KCNH4: variants seen among roughly 807,000 people sequenced by gnomAD.
The protein encoded by KCNH4 is voltage-gated delayed rectifier potassium channel KCNH4.
A neutral mutation model predicts 90.7 loss-of-function variants in KCNH4; 33 were observed. The observed-to-expected ratio is 0.36, with a 90% confidence interval of 0.28 to 0.49. The LOEUF (loss-of-function observed/expected upper bound fraction) is 0.49, where lower values mean the gene tolerates loss of function less well. Among genes scored for constraint, KCNH4 ranks in the 20% least tolerant of loss-of-function variants. The pLI is 0.98. For synonymous variants in KCNH4, 551 were observed against 581.7 expected (o/e 0.95, Z 0.76); for missense variants, 1,044 against 1,387.1 (o/e 0.75, Z 3.93).
chr17:42,161,028 G>A (rs954548403), intron 15 of KCNH4, among the ~76,000 whole-genome samples: 9 of 145,776 alleles, frequency 6.2e-5, no homozygotes, highest in African/African-American at 1.8e-4. Flanking sequence ...CCGGGTTCAC[G>A]AGATTCTCCT....
intron 14 of KCNH4, among the ~76,000 whole-genome samples, chr17:42,162,997 A>G (rs2079759363): frequency 6.6e-6 from 1 of 152,176 alleles, no homozygotes; most frequent in African/African-American, 2.4e-5. Context: ...TTCCTCTTCT[A>G]CCACAGAGTC....
In KCNH4 at chr17:42,180,204, G is replaced by C. The variant is rs1201992949; in HGVS notation, c.76+666C>G. ...GGTTCCCGAGGGAATGGCGGGGTTG[G>C]GGGAGGTGAGGGCGGGGAATCTCTG... On this transcript the variant is annotated intron_variant, in intron 1 of 16. Transcript: ENST00000264661. This position sits in a 1 kb window ranked among gnomAD's most constrained non-coding sequence, Gnocchi z 4.7. Among the ~76,000 whole-genome samples the C allele has an allele frequency of 2.0e-5, 3 of 152,360 alleles. No homozygotes were observed. Among genetic ancestry groups the C allele is most frequent in the Admixed American group, 6.5e-5 (1 of 15,310 alleles).
At position 42,163,240 on chromosome 17, in the gene KCNH4, C is replaced by A; in HGVS notation, c.2572G>T (p.Ala858Ser). 1 of 1,613,446 alleles carries A rather than the reference C, an allele frequency of 6.2e-7. No individual in the cohort carries two copies. The highest frequency in any genetic ancestry group is 8.5e-7 in the Non-Finnish European group (1 of 1,179,432). ...TGTTGGCCCTTACCTGTAGGGGGCG[C>A]CTGGGAGCGGGGCCTTGGCAGTTCA... ...RPELPRPRSQ[A>S]PPTGTRPSPE... Residue 858 changes from alanine (A) to serine (S), a missense_variant, in exon 14 of 17, where the codon GCG (alanine) becomes TCG (serine). This residue lies in a region of KCNH4 where 441 missense variants were observed against 512.3 expected (regional missense o/e 0.86). Transcript: ENST00000264661. This position sits in a 1 kb window ranked among gnomAD's most constrained non-coding sequence, Gnocchi z 5.4.
intron 9 of KCNH4, 50 bp downstream of exon 9, chr17:42,169,427 T>C: frequency 6.4e-7 from 1 of 1,565,572 alleles, no homozygotes; most frequent in African/African-American, 1.3e-5. Context: ...CCCACCCCAC[T>C]GCAGGGCCAC....
At position 42,163,726 on chromosome 17, in the gene KCNH4, A is replaced by T. The variant is rs1375825302; in HGVS notation, c.2357T>A (p.Leu786Gln). The T allele has an allele frequency of 2.6e-6, 4 of 1,527,356 alleles. No homozygotes were observed. The African/African-American group carries it at 5.6e-5, about 21-fold the overall frequency. 94.6% of individuals were successfully genotyped at this position (1,527,356 alleles called of 1,614,324 possible). Residue 786 changes from leucine (L) to glutamine (Q), a missense_variant, in exon 13 of 17, where the codon CTG (leucine) becomes CAG (glutamine). Leu to Gln is a moderately radical substitution (Grantham distance 113, BLOSUM62 -2). Around this residue, in one of 4 missense-constraint regions of KCNH4, gnomAD observed 441 missense variants for 512.3 expected, o/e 0.86. Coordinates refer to ENST00000264661, the MANE Select transcript of KCNH4 (RefSeq NM_012285.3). This position sits in a 1 kb window ranked among gnomAD's most constrained non-coding sequence, Gnocchi z 5.4. ...PSLSPSLSPALAGQGHSASPH... is the reference protein window; with the variant it reads ...PSLSPSLSPAQAGQGHSASPH... ...GGAGGCACTGTGGCCCTGGCCAGCC[A>T]GGGCAGGGGACAGGGATGGGGATAA...
chr17:42,166,314 A>G lies in KCNH4; in HGVS notation c.1823T>C (p.Met608Thr). The change falls in exon 10 of 17, where the codon ATG (methionine) becomes ACG (threonine). Residue 608 changes from methionine (M) to threonine (T), a missense_variant. Met to Thr is a moderately conservative substitution (Grantham distance 81). Coordinates refer to ENST00000264661, the MANE Select transcript of KCNH4 (RefSeq NM_012285.3). Reference sequence around the variant, plus strand: ...GTCCTTACCCAGGATGGCCAGCACCATGTTGTCTCGGAGCACCTCAAGCGA... The same window carrying G: ...GTCCTTACCCAGGATGGCCAGCACCGTGTTGTCTCGGAGCACCTCAAGCGA... The part of the protein sequence containing the change: ...SGSLEVLRDN[M>T]VLAILGKGDL... 6.2e-7 allele frequency: 1 copy of G among 1,607,568 alleles called. No homozygotes were observed. Among genetic ancestry groups the G allele is most frequent in the Non-Finnish European group, 8.5e-7 (1 of 1,177,094 alleles).
intron 9 of KCNH4, among the ~76,000 whole-genome samples, chr17:42,167,952 A>C (rs1460020012): frequency 6.6e-6 from 1 of 151,968 alleles, no homozygotes; most frequent in Non-Finnish European, 1.5e-5. Context: ...CCTCCGCAGC[A>C]CTCACATGCC....
At chr17:42,179,507 A>T (rs1458805078) in intron 1 of KCNH4, among the ~76,000 whole-genome samples, 2 of 152,204 alleles carry the variant, frequency 1.3e-5, no homozygotes, top group East Asian at 3.8e-4. Flanking sequence ...ACTTGGGGAG[A>T]ACAAGTCCTA....
chr17:42,160,312 G>A lies in KCNH4; in HGVS notation c.2782C>T (p.Pro928Ser), dbSNP rs750142478. Residue 928 changes from proline (P) to serine (S), a missense_variant, in exon 16 of 17, where the codon CCT becomes TCT. Around this residue, in one of 4 missense-constraint regions of KCNH4, gnomAD observed 441 missense variants for 512.3 expected, o/e 0.86. Coordinates refer to ENST00000264661, the MANE Select transcript of KCNH4 (RefSeq NM_012285.3). Reference sequence around the variant, plus strand: ...CATGGTGGCCTCAGCTGTGGACAAGGAGGGTCTGGGGTCCAAGCGGAGCCT... The same window carrying A: ...CATGGTGGCCTCAGCTGTGGACAAGAAGGGTCTGGGGTCCAAGCGGAGCCT... Reference protein sequence around the residue: ...PAGSAWTPDPPCPQLRPPCLS... With the variant: ...PAGSAWTPDPSCPQLRPPCLS... 4.3e-6 allele frequency: 7 copies of A among 1,614,040 alleles called. No individual in the cohort carries two copies. The South Asian group carries it at 7.7e-5, about 18-fold the overall frequency.
At chr17:42,169,735 T>C in intron 8 of KCNH4, 59 bp from the exon 9 acceptor site, 2 of 1,558,870 alleles carry the variant, frequency 1.3e-6, no homozygotes, top group Admixed American at 3.4e-5. Context: ...CCTCCCCAGC[T>C]CCCAAACCCA....
At position 42,165,622 on chromosome 17, in the gene KCNH4, A is replaced by C; in HGVS notation, c.1912T>G (p.Phe638Val). 1.9e-6 allele frequency: 3 copies of C among 1,614,148 alleles called. No homozygotes were observed. The highest frequency in any genetic ancestry group is 2.5e-6 in the Non-Finnish European group (3 of 1,180,014). The change falls in exon 11 of 17, where the codon TTC (phenylalanine) becomes GTC (valine). Residue 638 changes from phenylalanine (F) to valine (V), a missense_variant. Phe to Val is a conservative substitution (Grantham distance 50). Coordinates refer to ENST00000264661, the MANE Select transcript of KCNH4 (RefSeq NM_012285.3). ...QEPGLGADPN[F>V]VLKTSADVKA... ...ACATCAGCACTGGTCTTTAGCACGA[A>C]GTTTGGGTCTGCTCCCAACCCAGGC...
chr17:42,176,369 G>A (rs1598277500), intron 4 of KCNH4, 72 bp from the exon 5 acceptor site: 1 of 1,421,638 alleles, frequency 7.0e-7, no homozygotes, highest in South Asian at 1.2e-5. Flanking sequence ...GGGAAAGGCA[G>A]GGGATGGGGA....
intron 6 of KCNH4, 88 bp from the exon 7 acceptor site, chr17:42,172,083 C>G: frequency 8.8e-7 from 1 of 1,142,078 alleles, no homozygotes; most frequent in Non-Finnish European, 1.3e-6. Flanking sequence ...CACCAGACAA[C>G]CTGGAGCCAG....
rs2079759815 is a variant in KCNH4, at chr17:42,163,086, CAA to C, written c.2584+140_2584+141del. The C allele has an allele frequency of 1.5e-6, 1 of 662,232 alleles. No individual in the cohort carries two copies. The highest frequency in any genetic ancestry group is 1.8e-5 in the African/African-American group (1 of 55,888). The allele number at this position is 662,232 out of a possible 1,614,324, so 41.0% of individuals were successfully genotyped here. On this transcript the variant is annotated intron_variant, in intron 14 of 16. Transcript: ENST00000264661. This position sits in a 1 kb window ranked among gnomAD's most constrained non-coding sequence, Gnocchi z 5.4. The stretch of plus-strand genomic sequence containing the variant: ...AGGTGTCTCCCTGCTAGACTTACTC[CAA>C]GAGCGTGGGCCAGGTCTGTTTTATC...
rs781686646 is a variant in KCNH4 at position 42,163,579 on chromosome 17, G to A, written c.2477+27C>T. On this transcript the variant is annotated intron_variant, in intron 13 of 16. Transcript: ENST00000264661. The surrounding 1 kb of genome is among the most constrained non-coding windows in gnomAD (Gnocchi z 5.4). ...GTTCTGGAAGCCAATAGGGGTTTTGGGAAAGCAGGGGAGGCTGGCGTCTCA... is the reference window on the plus strand; with the variant it reads ...GTTCTGGAAGCCAATAGGGGTTTTGAGAAAGCAGGGGAGGCTGGCGTCTCA... The A allele has an allele frequency of 9.1e-7, 1 of 1,095,198 alleles. No individual in the cohort carries two copies. The highest frequency in any genetic ancestry group is 2.4e-5 in the Admixed American group (1 of 42,106). The allele number at this position is 1,095,198 out of a possible 1,614,324, so 67.8% of individuals were successfully genotyped here. A position where few individuals can be genotyped will look rare whatever the true frequency, so the allele number is the denominator to read the frequency against.
chr17:42,170,267 C>T lies in KCNH4; in HGVS notation c.1230G>A (p.Val410=). 1.2e-6 allele frequency: 2 copies of T among 1,603,538 alleles called. No individual in the cohort carries two copies. Among genetic ancestry groups the T allele is most frequent in the Non-Finnish European group, 1.7e-6 (2 of 1,178,978 alleles). Residue 410 remains valine (V), a synonymous_variant, in exon 8 of 17, where the codon GTG becomes GTA. Transcript: ENST00000264661. Reference sequence around the variant, plus strand: ...CGCCCACCGAGCCATTGACATAGGGCACCTCCAGACGCTTGCCCAACTCAT... The same window carrying T: ...CGCCCACCGAGCCATTGACATAGGGTACCTCCAGACGCTTGCCCAACTCAT... ...WLHELGKRLE[V]PYVNGSVGGP...
chr17:42,168,962 G>A (rs1001772790), intron 9 of KCNH4, among the ~76,000 whole-genome samples: 1 of 152,010 alleles, frequency 6.6e-6, no homozygotes, highest in Non-Finnish European at 1.5e-5. Context: ...TAGTAGAGAT[G>A]GGGTTTCACC....
Position 42,163,385 on chromosome 17 carries a change from G to C in KCNH4, c.2478-51C>G, listed in dbSNP as rs752912390. 3 of 1,344,306 alleles carry C rather than the reference G, an allele frequency of 2.2e-6. No homozygotes were observed. The highest frequency in any genetic ancestry group is 1.2e-5 in the South Asian group (1 of 84,188). 83.3% of individuals were successfully genotyped at this position (1,344,306 alleles called of 1,614,324 possible). ...CACCATGGGGTGAGGGTAAGGGCCA[G>C]AGCAGAGCAGACAGAGGGGGACTGG... On this transcript the variant is annotated intron_variant, in intron 13 of 16. Transcript: ENST00000264661. This position sits in a 1 kb window ranked among gnomAD's most constrained non-coding sequence, Gnocchi z 5.4.
intron 15 of KCNH4, among the ~76,000 whole-genome samples, chr17:42,161,793 T>A (rs971351006): frequency 6.6e-6 from 1 of 152,186 alleles, no homozygotes; most frequent in East Asian, 1.9e-4. Context: ...ATATGCACTC[T>A]CATTTCATCC....
Sources: allele counts gnomAD v4.1 joint callset (sites outside exome capture counted in the v4.1 genomes callset), GRCh38; gene constraint gnomAD v4.1.1; regional missense constraint gnomAD v4.1.1; non-coding constraint Gnocchi (gnomAD v3.1); transcripts MANE v1.5; gene names NCBI Gene and HGNC (gene_info 2026-07-23, HGNC 2026-07-21).